The following INPP4B variants were observed in gnomAD, a reference collection of about 807,000 sequenced individuals.
INPP4B encodes inositol polyphosphate-4-phosphatase type II B.
A neutral mutation model predicts 122.5 loss-of-function variants in INPP4B; 55 were observed. The observed-to-expected ratio is 0.45, with a 90% confidence interval of 0.36 to 0.56. The LOEUF (loss-of-function observed/expected upper bound fraction) is 0.56, where lower values mean the gene tolerates loss of function less well. INPP4B is among the 20% of genes least tolerant of loss of function. The probability of loss-of-function intolerance (pLI) is 0.00; values close to 1 mark genes in which losing one functional copy is unlikely to be tolerated. For missense variants in INPP4B, 1,000 were observed against 1,097.7 expected, an observed-to-expected ratio of 0.91 and a Z score of 1.26; for synonymous variants, 403 against 388.7, an observed-to-expected ratio of 1.04 and a Z score of -0.43.
chr4:142,522,757 A>G (rs1560753460), intron 2 of INPP4B, among the ~76,000 whole-genome samples: 2 of 152,084 alleles, frequency 1.3e-5, no homozygotes, highest in Admixed American at 1.3e-4. Context: ...ACCTTCATTT[A>G]TATCCTTTCT....
rs546001231 is a variant in INPP4B, at chr4:142,079,515, G to A, written c.2642+2516C>T. Among the ~76,000 whole-genome samples the A allele has an allele frequency of 7.2e-5, 11 of 152,158 alleles. No homozygotes were observed. The East Asian group carries it at 2.1e-3, about 29-fold the overall frequency. The stretch of plus-strand genomic sequence containing the variant: ...CCCAGTAATCAATCAGCATTAAGCA[G>A]TAACTTGAGAAATGTTTATTCATGA... On this transcript the variant is annotated intron_variant, in intron 25 of 25. Coordinates refer to ENST00000262992, the MANE Select transcript of INPP4B (RefSeq NM_001101669.3).
chr4:142,358,774 T>C (rs1375389089), intron 7 of INPP4B, among the ~76,000 whole-genome samples: 1 of 151,516 alleles, frequency 6.6e-6, no homozygotes, highest in African/African-American at 2.4e-5. Flanking sequence ...TTGTTACAAA[T>C]GCACATGCCC....
intron 1 of INPP4B, among the ~76,000 whole-genome samples, chr4:142,736,583 A>T (rs962025515): frequency 6.6e-6 from 1 of 152,070 alleles, no homozygotes; most frequent in Non-Finnish European, 1.5e-5. Context: ...GTTCACTCAT[A>T]ATTTGGCTCT....
intron 1 of INPP4B, among the ~76,000 whole-genome samples, chr4:142,839,120 T>C (rs897805264): frequency 2.0e-5 from 3 of 152,222 alleles, no homozygotes; most frequent in African/African-American, 7.2e-5. Flanking sequence ...TAAGTTGTTG[T>C]ATTCCATGGG....
Position 142,588,853 on chromosome 4 carries a change from T to G in INPP4B, c.-190-126127A>C, listed in dbSNP as rs575645714. ...AGCAACAGCAACCCGATTGTAAATT[T>G]TTTATGGAAGAGTCAAAGAAATAGA... is the stretch of plus-strand genomic sequence containing the variant. On this transcript the variant is annotated intron_variant, in intron 2 of 25. Transcript: ENST00000262992. Among the ~76,000 whole-genome samples the G allele has an allele frequency of 5.3e-5, 8 of 152,000 alleles. No homozygotes were observed. In the East Asian group the frequency reaches 1.4e-3, roughly 26 times the overall value.
intron 3 of INPP4B, among the ~76,000 whole-genome samples, chr4:142,451,216 T>C (rs1233864938): frequency 1.3e-5 from 2 of 151,480 alleles, no homozygotes; most frequent in Non-Finnish European, 1.5e-5. Context: ...TATTGGTGTT[T>C]GAACATAGTT....
chr4:142,699,989 T>G (rs954016152), intron 2 of INPP4B, among the ~76,000 whole-genome samples: 1 of 152,142 alleles, frequency 6.6e-6, no homozygotes, highest in Non-Finnish European at 1.5e-5. Flanking sequence ...AATCTATTAC[T>G]TCTCCCATCT....
chr4:142,173,906 C>T, intron 15 of INPP4B, 97 bp from the exon 16 acceptor site: 1 of 960,568 alleles, frequency 1.0e-6, no homozygotes, highest in Admixed American at 2.0e-5. Context: ...CTCCAAGTAT[C>T]ACTCTTTCCT....
At chr4:142,471,913 A>C (rs1818910890) in intron 2 of INPP4B, among the ~76,000 whole-genome samples, 1 of 152,120 alleles carries the variant, frequency 6.6e-6, no homozygotes, top group Non-Finnish European at 1.5e-5. Flanking sequence ...ATAATATTTT[A>C]TGACTGCATT....
At chr4:142,570,501 T>C (rs1732568094) in intron 2 of INPP4B, among the ~76,000 whole-genome samples, 1 of 152,032 alleles carries the variant, frequency 6.6e-6, no homozygotes, top group African/African-American at 2.4e-5. Flanking sequence ...TTTTAGTTAA[T>C]TTGAGTGGGG....
rs560945469 is a variant in INPP4B at position 142,227,200 on chromosome 4, G to C, written c.836+10664C>G. Among the ~76,000 whole-genome samples the C allele has an allele frequency of 3.9e-5, 6 of 152,230 alleles. No individual in the cohort carries two copies. The South Asian group carries it at 1.0e-3, about 26-fold the overall frequency. ...AGCATGAAGAAACACCAGTCTGTAA[G>C]GGATGGATAGAAAAAGAAGAGTCTA... On this transcript the variant is annotated intron_variant, in intron 12 of 25. Coordinates refer to ENST00000262992, the MANE Select transcript of INPP4B (RefSeq NM_001101669.3).
intron 25 of INPP4B, among the ~76,000 whole-genome samples, chr4:142,043,564 A>G (rs1424615614): frequency 6.6e-6 from 1 of 152,198 alleles, no homozygotes. Context: ...AAGCCATGGA[A>G]AGAAGAATGG....
intron 17 of INPP4B, among the ~76,000 whole-genome samples, chr4:142,158,011 T>C (rs916990471): frequency 6.6e-6 from 1 of 152,088 alleles, no homozygotes; most frequent in Non-Finnish European, 1.5e-5. Flanking sequence ...CCGTTGACTT[T>C]CTTCCTTCTC....
chr4:142,842,719 TA>T (rs1329814957), intron 1 of INPP4B, among the ~76,000 whole-genome samples: 2 of 131,858 alleles, frequency 1.5e-5, no homozygotes, highest in Non-Finnish European at 3.1e-5. Flanking sequence ...TATAATATAT[TA>T]ATATATTATA....
At chr4:142,523,220 A>G (rs748984376) in intron 2 of INPP4B, among the ~76,000 whole-genome samples, 4 of 152,158 alleles carry the variant, frequency 2.6e-5, no homozygotes, top group Non-Finnish European at 4.4e-5. Context: ...CTACTAAATC[A>G]GAAACTCTGA....
intron 1 of INPP4B, among the ~76,000 whole-genome samples, chr4:142,843,358 T>G (rs2151219046): frequency 6.6e-6 from 1 of 151,996 alleles, no homozygotes; most frequent in South Asian, 2.1e-4. Flanking sequence ...CAAAGGTTTC[T>G]AGCTCAACAT....
At chr4:142,247,439 G>A (rs1342336059) in intron 11 of INPP4B, among the ~76,000 whole-genome samples, 3 of 151,956 alleles carry the variant, frequency 2.0e-5, no homozygotes, top group Non-Finnish European at 4.4e-5. Flanking sequence ...TTTTTTGGTT[G>A]GTAGGCTATT....
intron 2 of INPP4B, among the ~76,000 whole-genome samples, chr4:142,561,587 A>AT (rs1274691039): frequency 6.6e-6 from 1 of 151,636 alleles, no homozygotes. Flanking sequence ...CCTGGCTAAT[A>AT]TTTTTGTATT....
rs13111204 is a variant in INPP4B, at chr4:142,628,437, G to C, written c.-191+97402C>G. Among the ~76,000 whole-genome samples, 339 of 56,078 alleles carry C rather than the reference G, an allele frequency of 6.0e-3. 2 individuals are homozygous for C. Among genetic ancestry groups the C allele is most frequent in the Non-Finnish European group, 0.013 (265 of 21,186 alleles). 36.8% of individuals were successfully genotyped at this position (56,078 alleles called of 152,430 possible). On this transcript the variant is annotated intron_variant, in intron 2 of 25. Transcript: ENST00000262992. The stretch of plus-strand genomic sequence containing the variant: ...GGGGTGGGGGGAGGGGGGAGGGATA[G>C]CATTGGGAGATATACCTAAATGCTA...
Sources: gnomAD v4.1 joint callset for allele counts (sites outside exome capture counted in the v4.1 genomes callset) on GRCh38, gnomAD v4.1.1 for gene constraint, MANE v1.5 for transcripts, NCBI Gene and HGNC (gene_info 2026-07-23, HGNC 2026-07-21) for gene names.